The following ZNF143 variants were observed in gnomAD, a reference collection of about 807,000 sequenced individuals.
ZNF143 encodes SPH-binding factor.
ZNF143 carries 49 observed loss-of-function variants against 74.1 expected under a neutral mutation model. The observed-to-expected ratio is 0.66, with a 90% CI of 0.53 to 0.84. The LOEUF (loss-of-function observed/expected upper bound fraction) is 0.84, where lower values mean the gene tolerates loss of function less well. Among genes scored for constraint, ZNF143 ranks in the 40% least tolerant of loss-of-function variants. The pLI, the probability that ZNF143 is intolerant of heterozygous loss-of-function variation, is 0.00. For synonymous variants in ZNF143, 304 were observed against 282.8 expected, an observed-to-expected ratio of 1.07 and a Z score of -0.75; for missense variants, 637 against 793.4, an observed-to-expected ratio of 0.80 and a Z score of 2.37.
At chr11:9,480,660 T>G (rs1847198069) in intron 7 of ZNF143, among the ~76,000 whole-genome samples, 1 of 151,854 alleles carries the variant, frequency 6.6e-6, no homozygotes. Context: ...CTGAGGCGGA[T>G]GGATGACTTG....
intron 7 of ZNF143, among the ~76,000 whole-genome samples, chr11:9,488,883 G>T (rs966367623): frequency 6.6e-6 from 1 of 151,934 alleles, no homozygotes; most frequent in Admixed American, 6.6e-5. Context: ...TGCAAAGCAG[G>T]TTCCAAATAG....
Position 9,472,760 on chromosome 11 carries a change from A to T in ZNF143, c.196A>T (p.Asn66Tyr). The change falls in exon 3 of 16, where the codon AAT (asparagine) becomes TAT (tyrosine). Residue 66 changes from asparagine to tyrosine, a missense_variant. Around this residue, in one of 2 missense-constraint regions of ZNF143, gnomAD observed 293 missense variants for 307.8 expected, o/e 0.95. Coordinates refer to ENST00000396602, the MANE Select transcript of ZNF143 (RefSeq NM_003442.6). ...ADGSTAYIQH[N>Y]SKDAKLIDGQ... ...TGGTTCTACTGCTTACATACAACAC[A>T]ATTCTAAAGGTATGTGCCTCACATA... 6.3e-7 allele frequency: 1 copy of T among 1,581,886 alleles called. No homozygotes were observed. The highest frequency in any genetic ancestry group is 8.6e-7 in the Non-Finnish European group (1 of 1,167,820).
intron 5 of ZNF143, among the ~76,000 whole-genome samples, chr11:9,476,021 A>G (rs2133892415): frequency 6.6e-6 from 1 of 152,082 alleles, no homozygotes; most frequent in East Asian, 1.9e-4. Context: ...ACAATGTCAA[A>G]AATATTTGAA....
chr11:9,505,784 C>T (rs1236893221), intron 11 of ZNF143, among the ~76,000 whole-genome samples: 1 of 148,062 alleles, frequency 6.8e-6, no homozygotes, highest in Non-Finnish European at 1.5e-5. Flanking sequence ...GAGACTGAGG[C>T]AGGAGAGTTG....
chr11:9,496,185 A>G (rs2134057626), intron 8 of ZNF143, 118 bp from the exon 9 acceptor site: 1 of 815,986 alleles, frequency 1.2e-6, no homozygotes, highest in East Asian at 2.6e-5. Context: ...TCTTTTTTAT[A>G]AGAAAAAAGC....
intron 7 of ZNF143, among the ~76,000 whole-genome samples, chr11:9,492,268 G>T (rs945744503): frequency 6.6e-6 from 1 of 151,976 alleles, no homozygotes; most frequent in Non-Finnish European, 1.5e-5. Flanking sequence ...ATGCCACAGC[G>T]CCTGGCTAAT....
chr11:9,500,905 A>G lies in ZNF143; in HGVS notation c.968-186A>G, dbSNP rs1470894. Among the ~76,000 whole-genome samples the G allele has an allele frequency of 7.4e-3, 1,127 of 152,138 alleles. 14 individuals are homozygous for G. Among genetic ancestry groups the G allele is most frequent in the African/African-American group, 0.026 (1,068 of 41,476 alleles). On this transcript the variant is annotated intron_variant, in intron 10 of 15. Coordinates refer to ENST00000396602, the MANE Select transcript of ZNF143 (RefSeq NM_003442.6). ...TTTTGAATACCATTCCCAGTTTCTT[A>G]TGTAGATTTAAGTTTGGAGTGGAAG...
intron 14 of ZNF143, among the ~76,000 whole-genome samples, chr11:9,516,632 G>A (rs1848733651): frequency 6.6e-6 from 1 of 151,952 alleles, no homozygotes; most frequent in East Asian, 1.9e-4. Context: ...GTTCAGTAGT[G>A]GTAGCTATTC....
chr11:9,513,878 A>T (rs529683314), intron 13 of ZNF143, among the ~76,000 whole-genome samples: 5 of 152,242 alleles, frequency 3.3e-5, no homozygotes, highest in African/African-American at 1.2e-4. Flanking sequence ...TTGGAGTGAG[A>T]CTCTGTCTCA....
In ZNF143 at chr11:9,475,910, A is replaced by ATATGTGTGTGTG. The variant is rs370474107; in HGVS notation, c.373+1278_373+1279insATGTGTGTGTGT. Among the ~76,000 whole-genome samples, 419 of 137,364 alleles carry ATATGTGTGTGTG rather than the reference A, an allele frequency of 3.1e-3. 4 individuals are homozygous for ATATGTGTGTGTG. The highest frequency in any genetic ancestry group is 0.011 in the African/African-American group (403 of 36,254). The allele number at this position is 137,364 out of a possible 152,430, so 90.1% of individuals were successfully genotyped here. ...GAGACCCTGTCTCAAAAAAATATATATGTGTGTGTGTGTGTGTGTGTGTGT... is the reference window on the plus strand; with the variant it reads ...GAGACCCTGTCTCAAAAAAATATATATATGTGTGTGTGTGTGTGTGTGTGTGTGTGTGTGTGT... On this transcript the variant is annotated intron_variant, in intron 5 of 15. Coordinates refer to ENST00000396602, the MANE Select transcript of ZNF143 (RefSeq NM_003442.6).
intron 15 of ZNF143, among the ~76,000 whole-genome samples, chr11:9,525,934 G>A (rs1849109784): frequency 6.6e-6 from 1 of 152,098 alleles, no homozygotes; most frequent in South Asian, 2.1e-4. Flanking sequence ...TTGAGCTTAG[G>A]AATTAGAGAC....
chr11:9,486,445 T>TTATATATATATTATATATATAATATATTA (rs201824332), intron 7 of ZNF143, among the ~76,000 whole-genome samples: 1 of 35,468 alleles, frequency 2.8e-5, no homozygotes, highest in Non-Finnish European at 6.6e-5. Context: ...ATATAATATA[T>TTATATATATATTATATATATAATATATTA]TATATATATT....
In ZNF143 at chr11:9,500,945, A is replaced by AC. The variant is rs575241006; in HGVS notation, c.968-139dup. 84 of 877,286 alleles carry AC rather than the reference A, an allele frequency of 9.6e-5. No individual in the cohort carries two copies. The East Asian group carries it at 1.3e-3, about 14-fold the overall frequency. 54.3% of individuals were successfully genotyped at this position (877,286 alleles called of 1,614,324 possible). ...TGGAGTGGAAGATGCTGTTTCCCCA[A>AC]CCCCCCCAAAAAAATGCCTGAAAGG... On this transcript the variant is annotated intron_variant, in intron 10 of 15. Transcript: ENST00000396602.
chr11:9,494,321 TGA>T (rs2134044388), intron 7 of ZNF143, among the ~76,000 whole-genome samples: 1 of 152,314 alleles, frequency 6.6e-6, no homozygotes, highest in South Asian at 2.1e-4. Context: ...ATTGATTGAT[TGA>T]GACAGGTCTC....
intron 7 of ZNF143, among the ~76,000 whole-genome samples, chr11:9,483,573 G>C (rs1222806093): frequency 1.3e-5 from 2 of 150,878 alleles, no homozygotes; most frequent in African/African-American, 2.5e-5. Context: ...GGGACCACAG[G>C]TGTGAGCCAC....
chr11:9,492,991 T>C (rs1847835068), intron 7 of ZNF143, among the ~76,000 whole-genome samples: 1 of 152,070 alleles, frequency 6.6e-6, no homozygotes, highest in Non-Finnish European at 1.5e-5. Context: ...AGAAAAAATG[T>C]GGAATTATAT....
At position 9,508,853 on chromosome 11, in the gene ZNF143, G is replaced by GT; in HGVS notation, c.1375+11dup. On this transcript the variant is annotated splice_region_variant and intron_variant, in intron 12 of 15. Transcript: ENST00000396602. ...TTCTTTGAGCCGCCCCCAGGTGAGA[G>GT]TTTTGTCTACTATATTTTGTTTCTG... 3.2e-6 allele frequency: 5 copies of GT among 1,563,210 alleles called. No individual in the cohort carries two copies. Among genetic ancestry groups the GT allele is most frequent in the Non-Finnish European group, 4.3e-6 (5 of 1,152,984 alleles).
intron 14 of ZNF143, among the ~76,000 whole-genome samples, chr11:9,523,626 C>G (rs1034946984): frequency 3.3e-5 from 5 of 151,920 alleles, no homozygotes; most frequent in Non-Finnish European, 7.4e-5. Flanking sequence ...CCCAGCTACT[C>G]GGGAGGCTGA....
At chr11:9,486,857 A>G (rs1160991622) in intron 7 of ZNF143, among the ~76,000 whole-genome samples, 5 of 146,026 alleles carry the variant, frequency 3.4e-5, no homozygotes, top group Non-Finnish European at 1.5e-5. Context: ...TTTAATAGAG[A>G]TAGGGTTTCA....
Sources: allele counts gnomAD v4.1 joint callset (sites outside exome capture counted in the v4.1 genomes callset), GRCh38; gene constraint gnomAD v4.1.1; regional missense constraint gnomAD v4.1.1; transcripts MANE v1.5; gene names NCBI Gene and HGNC (gene_info 2026-07-23, HGNC 2026-07-21).